KLF8: variants seen among roughly 807,000 people sequenced by gnomAD.
The protein encoded by KLF8 is Krueppel-like factor 8.
KLF8 carries 10 observed loss-of-function variants against 18.2 expected under a neutral mutation model. The observed-to-expected ratio is 0.55, with a 90% CI of 0.34 to 0.93. The LOEUF (loss-of-function observed/expected upper bound fraction) is 0.93, where lower values mean the gene tolerates loss of function less well. Ranked by LOEUF, KLF8 falls within the 40% of genes least tolerant of loss-of-function variation. KLF8 has a pLI of 0.02. For synonymous variants in KLF8, 109 were observed against 97.3 expected, an observed-to-expected ratio of 1.12 and a Z score of -0.71; for missense variants, 264 against 277.9, an observed-to-expected ratio of 0.95 and a Z score of 0.36.
chrX:56,046,090 T>A, the KLF8 span, among the ~76,000 whole-genome samples: 1 of 111,677 alleles, frequency 9.0e-6, no homozygotes, highest in Non-Finnish European at 1.9e-5. Context: ...TTTTTCTGCA[T>A]CTTTTGAGAT....
the KLF8 span, among the ~76,000 whole-genome samples, chrX:56,115,353 G>A: frequency 9.0e-6 from 1 of 111,648 alleles, no homozygotes; most frequent in Admixed American, 9.5e-5. Flanking sequence ...TTCTTTTTCT[G>A]AGACTCAAGT....
the KLF8 span, among the ~76,000 whole-genome samples, chrX:56,216,195 A>T: frequency 9.1e-6 from 1 of 109,810 alleles, no homozygotes; most frequent in African/African-American, 3.3e-5. Flanking sequence ...GTAATCCTTT[A>T]TTGCTGAAGT....
At chrX:56,248,653 C>A (rs772959874) in intron 1 of KLF8, among the ~76,000 whole-genome samples, 10 of 111,619 alleles carry the variant, frequency 9.0e-5, no homozygotes, top group African/African-American at 1.3e-4. Flanking sequence ...ATGGTTCTGG[C>A]AGCAACAAAG....
chrX:56,045,153 T>C, the KLF8 span, among the ~76,000 whole-genome samples: 1 of 111,595 alleles, frequency 9.0e-6, no homozygotes. Context: ...TTGAATAGGG[T>C]GTCCTTTCTT....
chrX:56,027,965 C>T, the KLF8 span, among the ~76,000 whole-genome samples: 1 of 112,376 alleles, frequency 8.9e-6, no homozygotes, highest in Non-Finnish European at 1.9e-5. Flanking sequence ...TTAAGTTTTG[C>T]CCAAGGGTTA....
rs375845280 is a variant in KLF8 at position 56,280,186 on chromosome X, G to T, written c.899-4127G>T. Among the ~76,000 whole-genome samples, 3 of 111,953 alleles carry T rather than the reference G, an allele frequency of 2.7e-5. No homozygotes were observed. The East Asian group carries it at 8.4e-4, about 31-fold the overall frequency. On this transcript the variant is annotated intron_variant, in intron 5 of 5. Transcript: ENST00000468660. The stretch of plus-strand genomic sequence containing the variant: ...TGTCAAGTCCCAGTATATTTACAAT[G>T]GCATCACCCATTTTCCCAGGCTCCA...
chrX:55,918,552 A>G, the KLF8 span, among the ~76,000 whole-genome samples: 1 of 112,545 alleles, frequency 8.9e-6, no homozygotes, highest in Admixed American at 9.4e-5. Flanking sequence ...ACAGTTCTTG[A>G]GGCTAGAAAT....
chrX:56,124,176 TG>T, the KLF8 span, among the ~76,000 whole-genome samples: 1 of 111,939 alleles, frequency 8.9e-6, no homozygotes, highest in Non-Finnish European at 1.9e-5. Context: ...TCTACATTTT[TG>T]TTTCTCCCTA....
chrX:55,934,422 A>G, the KLF8 span, among the ~76,000 whole-genome samples: 1 of 112,313 alleles, frequency 8.9e-6, no homozygotes, highest in Non-Finnish European at 1.9e-5. Context: ...TCCATCAAAC[A>G]TAAGCAAAGA....
At chrX:55,956,204 C>T in the KLF8 span, among the ~76,000 whole-genome samples, 1 of 109,327 alleles carries the variant, frequency 9.1e-6, no homozygotes, top group South Asian at 3.9e-4. Context: ...ATCTATCTAT[C>T]TATCTATCAT....
the KLF8 span, among the ~76,000 whole-genome samples, chrX:56,056,264 C>G: frequency 9.1e-6 from 1 of 109,912 alleles, no homozygotes; most frequent in African/African-American, 3.3e-5. Flanking sequence ...ATTTTATTTA[C>G]GCCCTTTATG....
chrX:56,053,205 G>A, the KLF8 span, among the ~76,000 whole-genome samples: 1 of 112,368 alleles, frequency 8.9e-6, no homozygotes, highest in African/African-American at 3.2e-5. Flanking sequence ...ACCTCAGATG[G>A]AAATGCAGAA....
At chrX:56,242,978 A>C (rs2066567166) in intron 1 of KLF8, 1 of 479,118 alleles carries the variant, frequency 2.1e-6, no homozygotes, top group Admixed American at 2.3e-5. Context: ...AAAGCATTGT[A>C]ATCAGGAGCC....
the KLF8 span, among the ~76,000 whole-genome samples, chrX:55,925,330 G>T: frequency 9.2e-6 from 1 of 109,214 alleles, no homozygotes; most frequent in Non-Finnish European, 1.9e-5. Context: ...CAGACAAAAG[G>T]GTAAGGGGGC....
At chrX:56,126,909 C>T in the KLF8 span, among the ~76,000 whole-genome samples, 4 of 108,916 alleles carry the variant, frequency 3.7e-5, no homozygotes, top group East Asian at 2.9e-4. Context: ...CCTACCACCA[C>T]GCCTGGCTAA....
chrX:56,235,184 TTGTC>T (rs1329800125), intron 1 of KLF8, among the ~76,000 whole-genome samples: 1 of 109,938 alleles, frequency 9.1e-6, no homozygotes, highest in East Asian at 2.9e-4. Flanking sequence ...TCTTGCCAGA[TTGTC>T]TGTGCCTGGT....
chrX:56,120,309 A>T, the KLF8 span, among the ~76,000 whole-genome samples: 1 of 111,284 alleles, frequency 9.0e-6, no homozygotes, highest in Non-Finnish European at 1.9e-5. Context: ...AAGGCTTAGG[A>T]TTTCATTTTT....
chrX:56,206,926 A>C, the KLF8 span, among the ~76,000 whole-genome samples: 1 of 112,609 alleles, frequency 8.9e-6, no homozygotes, highest in Non-Finnish European at 1.9e-5. Flanking sequence ...AAATCTAGGC[A>C]GAGGTTCCCA....
the KLF8 span, among the ~76,000 whole-genome samples, chrX:55,984,110 A>G: frequency 9.2e-6 from 1 of 108,621 alleles, no homozygotes; most frequent in Admixed American, 1.0e-4. Flanking sequence ...AGGAATTTGG[A>G]TTTGTTTTTT....
Sources: allele counts gnomAD v4.1 joint callset (sites outside exome capture counted in the v4.1 genomes callset), GRCh38; gene constraint gnomAD v4.1.1; transcripts MANE v1.5; gene names NCBI Gene and HGNC (gene_info 2026-07-23, HGNC 2026-07-21).